The following TIMM17B variants were observed in gnomAD, a reference collection of about 807,000 sequenced individuals.
TIMM17B encodes translocase of inner mitochondrial membrane 17B, also known as mitochondrial import inner membrane translocase subunit Tim17-B.
Under a neutral mutation model 15.9 loss-of-function variants are expected in TIMM17B, and 10 were observed. That is an observed-to-expected ratio of 0.63 (90% CI 0.39 to 1.06). TIMM17B has a LOEUF of 1.06. TIMM17B is among the 50% of genes least tolerant of loss of function. The pLI is 0.01. For missense variants in TIMM17B, 114 were observed against 152.2 expected (o/e 0.75, Z 1.32); for synonymous variants, 57 against 57.2 (o/e 1.00, Z 0.02).
chrX:48,897,747 C>T, exon 2 of TIMM17B: 6 of 1,210,110 alleles, frequency 5.0e-6, no homozygotes, highest in Non-Finnish European at 6.7e-6. Context: ...CGTACTCCTC[C>T]ATGGCGCTGG....
intron 2 of TIMM17B, chrX:48,897,485 A>C (rs1325150411): frequency 2.3e-6 from 1 of 429,500 alleles, no homozygotes; most frequent in Admixed American, 4.0e-5. Flanking sequence ...TAACAGGGCT[A>C]GGAGATTACG....
intron 2 of TIMM17B, chrX:48,897,114 T>C: frequency 1.7e-6 from 1 of 573,522 alleles, no homozygotes; most frequent in Non-Finnish European, 2.6e-6. Flanking sequence ...CCAACGGTTT[T>C]ACTGTGATCA....
chrX:48,897,820 G>A, exon 2 of TIMM17B: 8 of 1,179,574 alleles, frequency 6.8e-6, no homozygotes, highest in Non-Finnish European at 9.1e-6. Flanking sequence ...GGAGCTTTCC[G>A]CCTATTACCG....
At position 48,896,749 on chromosome X, in the gene TIMM17B, CT is replaced by C; in HGVS notation, c.126+9del. 2.5e-6 allele frequency: 3 copies of C among 1,211,219 alleles called. No homozygotes were observed. The highest frequency in any genetic ancestry group is 2.2e-6 in the Non-Finnish European group (2 of 895,357). On this transcript the variant is annotated intron_variant, in intron 3 of 6. Transcript: ENST00000376582. ...AACCCCACACCAACCCAGGGAAGGC[CT>C]GGACTCACAACAGGGGCATTGCGGA... is the stretch of plus-strand genomic sequence containing the variant.
chrX:48,896,476 C>A, intron 3 of TIMM17B: 2 of 331,258 alleles, frequency 6.0e-6, no homozygotes, highest in Non-Finnish European at 9.8e-6. Flanking sequence ...AAAAAACTGT[C>A]TGGCTTTGCA....
Position 48,895,156 on chromosome X carries a change from T to A in TIMM17B, c.127-55A>T, listed in dbSNP as rs1447994442. On this transcript the variant is annotated intron_variant, in intron 3 of 6. Transcript: ENST00000376582. ...AGGGCTGAAGCCACTGGCAGACACG[T>A]TTCCAACTTTTAAGAGAGGGAAGAA... The A allele has an allele frequency of 6.0e-6, 6 of 1,001,504 alleles. No homozygotes were observed. The African/African-American group carries it at 1.1e-4, about 19-fold the overall frequency. 82.5% of individuals were successfully genotyped at this position (1,001,504 alleles called of 1,213,427 possible).
chrX:48,897,833 C>T, intron 1 of TIMM17B, 65 bp from the exon 1 acceptor site: 1 of 1,159,860 alleles, frequency 8.6e-7, no homozygotes, highest in Non-Finnish European at 1.2e-6. Context: ...TATTACCGGG[C>T]AGCGATTGGG....
chrX:48,897,074 C>T lies in TIMM17B; in HGVS notation c.27-216G>A. On this transcript the variant is annotated intron_variant, in intron 2 of 6. Coordinates refer to ENST00000376582, the Ensembl canonical transcript of TIMM17B. ...GGGGCAAAGGGGGAGAAATATTAGT[C>T]TTCGCCCTGTCTACCAACCAAGGAA... 7.3e-6 allele frequency: 6 copies of T among 818,000 alleles called. No individual in the cohort carries two copies. The South Asian group carries it at 1.7e-4, about 23-fold the overall frequency. 67.4% of individuals were successfully genotyped at this position (818,000 alleles called of 1,213,427 possible).
Position 48,893,887 on chromosome X carries a change from A to G in TIMM17B, c.430+13T>C, listed in dbSNP as rs782095932. ...TGGAGTATTTCCCACTCCCCCGACCACCAGTTACTCACCATTTCGGAACTG... is the reference window on the plus strand; with the variant it reads ...TGGAGTATTTCCCACTCCCCCGACCGCCAGTTACTCACCATTTCGGAACTG... On this transcript the variant is annotated intron_variant, in intron 6 of 6. Coordinates refer to ENST00000376582, the Ensembl canonical transcript of TIMM17B. 8.3e-7 allele frequency: 1 copy of G among 1,201,033 alleles called. No individual in the cohort carries two copies. Among genetic ancestry groups the G allele is most frequent in the Admixed American group, 2.2e-5 (1 of 45,663 alleles).
At chrX:48,893,462 G>A in exon 7 of TIMM17B, 1 of 291,911 alleles carries the variant, frequency 3.4e-6, no homozygotes, top group Admixed American at 5.6e-5. Context: ...ATTTCAAAAC[G>A]GGCTTTAAAT....
intron 1 of TIMM17B, chrX:48,898,020 G>A (rs2063334450): frequency 3.0e-6 from 3 of 999,442 alleles, no homozygotes; most frequent in Admixed American, 4.0e-5. Context: ...CCCAGGTATC[G>A]TAGCGGCGAC....
At chrX:48,896,881 G>A in intron 2 of TIMM17B, 23 bp from the exon 2 acceptor site, 1 of 1,209,479 alleles carries the variant, frequency 8.3e-7, no homozygotes, top group Non-Finnish European at 1.1e-6. Flanking sequence ...AGGGAAGGAC[G>A]GGGTTAATGT....
In TIMM17B at chrX:48,897,666, C is replaced by A. The variant is rs879952796; in HGVS notation, c.26+58G>T. On this transcript the variant is annotated intron_variant, in intron 2 of 6. Transcript: ENST00000376582. ...CGGCCGATGCCTCCCCCGCCCGACC[C>A]CCACGGCTGGCCTTGGCGTCGCAGC... The A allele has an allele frequency of 7.1e-5, 75 of 1,056,893 alleles. No individual in the cohort carries two copies. The South Asian group carries it at 1.1e-3, about 16-fold the overall frequency. 87.1% of individuals were successfully genotyped at this position (1,056,893 alleles called of 1,213,427 possible). A position where few individuals can be genotyped will look rare whatever the true frequency, so the allele number is the denominator to read the frequency against.
At chrX:48,894,926 T>C in intron 4 of TIMM17B, 112 bp downstream of exon 3, 1 of 628,923 alleles carries the variant, frequency 1.6e-6, no homozygotes, top group East Asian at 3.6e-5. Flanking sequence ...CCCTAGAAAG[T>C]CTCTGGCAGG....
intron 3 of TIMM17B, 115 bp from the exon 3 acceptor site, chrX:48,895,216 A>G: frequency 1.5e-6 from 1 of 671,793 alleles, no homozygotes; most frequent in Non-Finnish European, 2.3e-6. Context: ...AGCTGTAGAG[A>G]TGTGGAGAAG....
chrX:48,895,119 G>A lies in TIMM17B; in HGVS notation c.127-18C>T, dbSNP rs1557039264. The A allele has an allele frequency of 8.5e-7, 1 of 1,173,973 alleles. No homozygotes were observed. Among genetic ancestry groups the A allele is most frequent in the Admixed American group, 2.4e-5 (1 of 42,204 alleles). Reference sequence around the variant, plus strand: ...CGAATTCCCTGGGGAAAGGAAGGAAGGGCGTTAGGGCAGGGCTGAAGCCAC... The same window carrying A: ...CGAATTCCCTGGGGAAAGGAAGGAAAGGCGTTAGGGCAGGGCTGAAGCCAC... On this transcript the variant is annotated intron_variant, in intron 3 of 6. Coordinates refer to ENST00000376582, the Ensembl canonical transcript of TIMM17B.
chrX:48,895,493 C>T, intron 3 of TIMM17B: 1 of 515,404 alleles, frequency 1.9e-6, no homozygotes, highest in South Asian at 2.5e-5. Flanking sequence ...CTTCAGACAG[C>T]AATCTGCACT....
intron 1 of TIMM17B, chrX:48,898,014 G>A (rs2063334336): frequency 1.0e-6 from 1 of 992,677 alleles, no homozygotes; most frequent in Non-Finnish European, 1.3e-6. Context: ...TGTGGGCCCA[G>A]GTATCGTAGC....
At chrX:48,895,168 AAG>A in intron 3 of TIMM17B, 67 bp from the exon 3 acceptor site, 3 of 912,833 alleles carry the variant, frequency 3.3e-6, no homozygotes, top group Non-Finnish European at 4.6e-6. Flanking sequence ...TCCAACTTTT[AAG>A]AGAGGGAAGA....
Sources: gnomAD v4.1 joint callset for allele counts on GRCh38, gnomAD v4.1.1 for gene constraint, MANE v1.5 for transcripts, NCBI Gene and HGNC (gene_info 2026-07-23, HGNC 2026-07-21) for gene names.